RXFP2: variants seen among roughly 807,000 people sequenced by gnomAD.
RXFP2 encodes the protein relaxin family peptide receptor 2.
Under a neutral mutation model 88.6 loss-of-function variants are expected in RXFP2, and 68 were observed. The observed-to-expected ratio is 0.77, with a 90% CI of 0.63 to 0.94. RXFP2 has a LOEUF of 0.94. Among genes scored for constraint, RXFP2 ranks in the 40% least tolerant of loss-of-function variants. RXFP2 has a pLI of 0.00. For missense variants in RXFP2, 791 were observed against 893.9 expected (o/e 0.88, Z 1.47); for synonymous variants, 329 against 306.8 (o/e 1.07, Z -0.76).
intron 3 of RXFP2, among the ~76,000 whole-genome samples, chr13:31,763,679 A>G (rs1341660005): frequency 6.6e-6 from 1 of 152,186 alleles, no homozygotes; most frequent in African/African-American, 2.4e-5. Flanking sequence ...TGGGGACATG[A>G]TTGGTTTGCA....
rs1239216234 is a variant in RXFP2, at chr13:31,775,408, C to G, written c.641+19C>G. On this transcript the variant is annotated intron_variant, in intron 7 of 17. Transcript: ENST00000298386. Reference sequence around the variant, plus strand: ...CTTGGCTGTAAGTACTCTAATTCTTCTTTCTCCCATAGAGGATCATAGTCT... The same window carrying G: ...CTTGGCTGTAAGTACTCTAATTCTTGTTTCTCCCATAGAGGATCATAGTCT... 6.5e-7 allele frequency: 1 copy of G among 1,541,138 alleles called. No individual in the cohort carries two copies. The highest frequency in any genetic ancestry group is 9.0e-7 in the Non-Finnish European group (1 of 1,113,536).
rs115252528 is a variant in RXFP2, at chr13:31,783,713, T to C, written c.929+966T>C. Among the ~76,000 whole-genome samples, 282 of 152,336 alleles carry C rather than the reference T, an allele frequency of 1.9e-3. 1 individual carries two copies. Among genetic ancestry groups the C allele is most frequent in the African/African-American group, 6.3e-3 (262 of 41,578 alleles). On this transcript the variant is annotated intron_variant, in intron 11 of 17. Transcript: ENST00000298386. The stretch of plus-strand genomic sequence containing the variant: ...TCAGAAAAGACTTCCTCCCAGGGCA[T>C]TCCTGCCCAGGCTGTGGAGGATGAC...
At chr13:31,776,032 C>T (rs889824054) in intron 7 of RXFP2, among the ~76,000 whole-genome samples, 10 of 152,002 alleles carry the variant, frequency 6.6e-5, no homozygotes, top group Non-Finnish European at 1.0e-4. Context: ...GCCTTCCAGG[C>T]AACTTTTTCT....
intron 1 of RXFP2, among the ~76,000 whole-genome samples, chr13:31,753,600 T>TA: frequency 6.6e-6 from 1 of 152,198 alleles, no homozygotes; most frequent in East Asian, 1.9e-4. Flanking sequence ...GACCACAGAA[T>TA]ACACTTTCTA....
At chr13:31,786,747 T>C in intron 13 of RXFP2, 110 bp downstream of exon 13, 1 of 715,358 alleles carries the variant, frequency 1.4e-6, no homozygotes, top group East Asian at 2.7e-5. Flanking sequence ...TTCAGACAAC[T>C]GTCTGAATCA....
intron 13 of RXFP2, 78 bp from the exon 14 acceptor site, chr13:31,789,044 A>T (rs1353463967): frequency 1.6e-5 from 14 of 881,416 alleles, no homozygotes; most frequent in Non-Finnish European, 2.3e-5. Flanking sequence ...GAAGCATTAT[A>T]TTTCGGATAT....
chr13:31,775,354 T>G lies in RXFP2; in HGVS notation c.606T>G (p.Pro202=), dbSNP rs1173578353. 1 of 1,613,760 alleles carries G rather than the reference T, an allele frequency of 6.2e-7. No individual in the cohort carries two copies. The highest frequency in any genetic ancestry group is 1.3e-5 in the African/African-American group (1 of 75,016). Reference sequence around the variant, plus strand: ...ACAACTGCATCACAACCCTCAGACCTGGAATATTCAAAGACTTACATCAGC... The same window carrying G: ...ACAACTGCATCACAACCCTCAGACCGGGAATATTCAAAGACTTACATCAGC... The part of the protein sequence containing the change: ...LNHNCITTLR[P]GIFKDLHQLT... The change falls in exon 7 of 18, where the codon CCT becomes CCG. Residue 202 remains proline, a synonymous_variant. Coordinates refer to ENST00000298386, the MANE Select transcript of RXFP2 (RefSeq NM_130806.5).
At chr13:31,789,226 T>C (rs775439779) in intron 14 of RXFP2, 33 bp downstream of exon 14, 1 of 1,345,274 alleles carries the variant, frequency 7.4e-7, no homozygotes, top group Non-Finnish European at 1.1e-6. Flanking sequence ...GGAGGAAGCA[T>C]GGTAAAATGC....
intron 5 of RXFP2, among the ~76,000 whole-genome samples, chr13:31,774,359 C>G (rs1382835672): frequency 6.6e-6 from 1 of 152,168 alleles, no homozygotes; most frequent in Non-Finnish European, 1.5e-5. Context: ...AGAAACAAGA[C>G]TAGATCCTTC....
intron 13 of RXFP2, among the ~76,000 whole-genome samples, chr13:31,787,341 T>G (rs1385142396): frequency 6.6e-6 from 1 of 152,244 alleles, no homozygotes; most frequent in African/African-American, 2.4e-5. Flanking sequence ...CAGAAATTAA[T>G]GCAAGATTTA....
At chr13:31,768,909 G>A (rs919961551) in intron 5 of RXFP2, among the ~76,000 whole-genome samples, 2 of 152,058 alleles carry the variant, frequency 1.3e-5, no homozygotes, top group African/African-American at 4.8e-5. Flanking sequence ...AACAAATGTG[G>A]CAAATACCAA....
chr13:31,778,847 T>G (rs1022957005), intron 9 of RXFP2, among the ~76,000 whole-genome samples: 1 of 152,174 alleles, frequency 6.6e-6, no homozygotes, highest in Admixed American at 6.5e-5. Flanking sequence ...TATGCATGTA[T>G]CAAACTACTA....
At chr13:31,777,547 A>T in intron 8 of RXFP2, 100 bp downstream of exon 8, 1 of 847,730 alleles carries the variant, frequency 1.2e-6, no homozygotes, top group Non-Finnish European at 1.9e-6. Flanking sequence ...AGCCCACAAA[A>T]ATTTTTATTA....
At chr13:31,748,685 CT>C (rs942459272) in intron 1 of RXFP2, among the ~76,000 whole-genome samples, 8 of 152,040 alleles carry the variant, frequency 5.3e-5, no homozygotes, top group African/African-American at 9.7e-5. Context: ...TTAATGATGA[CT>C]TTTTTTAAAA....
intron 16 of RXFP2, among the ~76,000 whole-genome samples, chr13:31,794,691 AG>A (rs1873947532): frequency 6.6e-6 from 1 of 152,164 alleles, no homozygotes; most frequent in Non-Finnish European, 1.5e-5. Context: ...AGGAGGTATT[AG>A]CCAAGCGAAG....
intron 1 of RXFP2, 47 bp downstream of exon 1, chr13:31,739,753 A>G (rs768279216): frequency 1.7e-6 from 2 of 1,162,840 alleles, no homozygotes; most frequent in African/African-American, 1.5e-5. Flanking sequence ...TTCCCAAAAA[A>G]TACATTTCTA....
chr13:31,763,520 A>C (rs894010503), intron 3 of RXFP2, among the ~76,000 whole-genome samples: 2 of 152,224 alleles, frequency 1.3e-5, no homozygotes, highest in African/African-American at 4.8e-5. Context: ...TTGATCCAAA[A>C]TGTCAATCAT....
chr13:31,771,979 C>G (rs1872752267), intron 5 of RXFP2, among the ~76,000 whole-genome samples: 1 of 139,884 alleles, frequency 7.1e-6, no homozygotes, highest in Non-Finnish European at 1.5e-5. Context: ...ATTCCTAAAT[C>G]AAAATTAAAT....
chr13:31,767,445 T>G (rs1052054658), intron 5 of RXFP2, among the ~76,000 whole-genome samples: 1 of 152,210 alleles, frequency 6.6e-6, no homozygotes, highest in African/African-American at 2.4e-5. Flanking sequence ...AAGAAATCCC[T>G]AAAATCACAA....
Sources: allele counts gnomAD v4.1 joint callset (sites outside exome capture counted in the v4.1 genomes callset), GRCh38; gene constraint gnomAD v4.1.1; transcripts MANE v1.5; gene names NCBI Gene and HGNC (gene_info 2026-07-23, HGNC 2026-07-21).